The following CNTNAP2 variants were observed in gnomAD, a reference collection of about 807,000 sequenced individuals.
CNTNAP2 encodes the protein contactin-associated protein-like 2.
In CNTNAP2, 98 loss-of-function variants were observed where a neutral mutation model predicts 155.2. That is an observed-to-expected ratio of 0.63 (90% CI 0.54 to 0.75). CNTNAP2 has a LOEUF of 0.75. CNTNAP2 is among the 30% of genes least tolerant of loss of function. The probability of loss-of-function intolerance (pLI) is 0.00; values close to 1 mark genes in which losing one functional copy is unlikely to be tolerated. For synonymous variants in CNTNAP2, 651 were observed against 631.2 expected (o/e 1.03, Z -0.47); for missense variants, 1,727 against 1,688.1 (o/e 1.02, Z -0.40).
At chr7:146,204,801 A>G (rs572545672) in intron 1 of CNTNAP2, among the ~76,000 whole-genome samples, 1 of 152,172 alleles carries the variant, frequency 6.6e-6, no homozygotes, top group Non-Finnish European at 1.5e-5. Context: ...CCCACCCTTC[A>G]GCAAAATGTC....
At chr7:147,112,150 T>G (rs72611586) in intron 5 of CNTNAP2, among the ~76,000 whole-genome samples, 13,616 of 152,146 alleles carry the variant, frequency 0.089, 892 homozygotes, top group East Asian at 0.3. Flanking sequence ...TGAATGAGAG[T>G]TCATTCATAA....
intron 17 of CNTNAP2, 120 bp from the exon 18 acceptor site, chr7:148,172,122 T>C (rs1161178217): frequency 4.1e-6 from 4 of 987,322 alleles, no homozygotes; most frequent in Non-Finnish European, 6.4e-6. Context: ...ACCAACTTGA[T>C]AGTGACAATA....
chr7:147,403,222 T>G (rs1796948242), intron 10 of CNTNAP2, among the ~76,000 whole-genome samples: 1 of 152,186 alleles, frequency 6.6e-6, no homozygotes, highest in African/African-American at 2.4e-5. Flanking sequence ...AATATTTAAA[T>G]CTACCTATCA....
chr7:147,488,331 G>A (rs1584765825), intron 11 of CNTNAP2, among the ~76,000 whole-genome samples: 2 of 152,348 alleles, frequency 1.3e-5, no homozygotes, highest in South Asian at 4.1e-4. Context: ...ATCAGGCCGT[G>A]TGCCTTTGTG....
chr7:146,476,848 G>C (rs945759080), intron 1 of CNTNAP2, among the ~76,000 whole-genome samples: 5 of 152,152 alleles, frequency 3.3e-5, no homozygotes, highest in African/African-American at 9.7e-5. Flanking sequence ...ACAAAAAATA[G>C]GGAAATCATA....
intron 8 of CNTNAP2, among the ~76,000 whole-genome samples, chr7:147,191,872 G>A (rs1802686471): frequency 3.3e-5 from 5 of 152,100 alleles, no homozygotes; most frequent in Admixed American, 3.3e-4. Flanking sequence ...AAGAGCATGG[G>A]CAACTCTGTT....
intron 3 of CNTNAP2, among the ~76,000 whole-genome samples, chr7:146,886,699 C>A (rs370779013): frequency 2.6e-5 from 4 of 151,140 alleles, no homozygotes; most frequent in African/African-American, 9.7e-5. Context: ...TGCTTAAAAT[C>A]ATCAGGAAAT....
intron 1 of CNTNAP2, among the ~76,000 whole-genome samples, chr7:146,280,433 T>A (rs780046744): frequency 1.3e-5 from 2 of 152,122 alleles, no homozygotes; most frequent in South Asian, 2.1e-4. Context: ...AATTCCTATC[T>A]CACTCTTCTT....
chr7:147,360,186 A>G lies in CNTNAP2; in HGVS notation c.1499-35423A>G, dbSNP rs1424105951. On this transcript the variant is annotated intron_variant, in intron 9 of 23. Coordinates refer to ENST00000361727, the MANE Select transcript of CNTNAP2 (RefSeq NM_014141.6). ...ACCTAATTTGTTTATATATGTCCCT[A>G]TATTCAGTTACTGTTTTCATAAACT... 2.6e-5 allele frequency among the ~76,000 whole-genome samples: 4 copies of G among 152,142 alleles called. No homozygotes were observed. The South Asian group carries it at 6.2e-4, about 24-fold the overall frequency.
At chr7:147,032,704 A>G (rs80288505) in intron 3 of CNTNAP2, among the ~76,000 whole-genome samples, 2,231 of 135,750 alleles carry the variant, frequency 0.016, 32 homozygotes, top group Non-Finnish European at 0.027. Flanking sequence ...AAGGAAGGAA[A>G]GAAAGAGAGA....
intron 1 of CNTNAP2, among the ~76,000 whole-genome samples, chr7:146,487,876 T>G (rs1461665779): frequency 2.0e-5 from 3 of 152,030 alleles, no homozygotes; most frequent in Non-Finnish European, 4.4e-5. Flanking sequence ...CTGTTTAAAA[T>G]GGAGGTGTGG....
chr7:146,283,204 A>G (rs940976679), intron 1 of CNTNAP2, among the ~76,000 whole-genome samples: 1 of 152,198 alleles, frequency 6.6e-6, no homozygotes, highest in Non-Finnish European at 1.5e-5. Context: ...CAAATTTGGT[A>G]TTATTGTGAA....
intron 13 of CNTNAP2, among the ~76,000 whole-genome samples, chr7:147,650,965 T>C (rs1383694854): frequency 2.6e-5 from 4 of 152,288 alleles, no homozygotes; most frequent in African/African-American, 7.2e-5. Flanking sequence ...CATTTTGATA[T>C]GTGTATTTTG....
intron 1 of CNTNAP2, among the ~76,000 whole-genome samples, chr7:146,537,530 A>G (rs1219757283): frequency 6.6e-6 from 1 of 152,132 alleles, no homozygotes; most frequent in African/African-American, 2.4e-5. Flanking sequence ...TTAGTAAAAT[A>G]TGTCACGTCA....
intron 1 of CNTNAP2, among the ~76,000 whole-genome samples, chr7:146,446,758 AT>A (rs1796408138): frequency 6.6e-6 from 1 of 152,018 alleles, no homozygotes; most frequent in South Asian, 2.1e-4. Context: ...CTGGAGAGAA[AT>A]CTACTTGAAA....
intron 9 of CNTNAP2, among the ~76,000 whole-genome samples, chr7:147,380,323 T>C (rs932702105): frequency 9.2e-5 from 14 of 152,116 alleles, no homozygotes; most frequent in African/African-American, 3.4e-4. Flanking sequence ...GGTGCTCTTG[T>C]AGCATTCTGC....
chr7:147,180,317 A>T (rs1014711710), intron 8 of CNTNAP2, among the ~76,000 whole-genome samples: 1 of 152,194 alleles, frequency 6.6e-6, no homozygotes, highest in African/African-American at 2.4e-5. Flanking sequence ...AAAAAAGCAC[A>T]TGACAGTATG....
At chr7:146,441,541 C>A (rs1796321109) in intron 1 of CNTNAP2, among the ~76,000 whole-genome samples, 1 of 151,432 alleles carries the variant, frequency 6.6e-6, no homozygotes, top group Non-Finnish European at 1.5e-5. Flanking sequence ...TGGTTTCCAT[C>A]CATGGATGTC....
At chr7:146,414,996 T>C (rs1795917328) in intron 1 of CNTNAP2, among the ~76,000 whole-genome samples, 2 of 151,610 alleles carry the variant, frequency 1.3e-5, no homozygotes, top group Admixed American at 1.3e-4. Context: ...TGACTAATAC[T>C]TGTAAAAAGT....
Sources: gnomAD v4.1 joint callset for allele counts (sites outside exome capture counted in the v4.1 genomes callset) on GRCh38, gnomAD v4.1.1 for gene constraint, MANE v1.5 for transcripts, NCBI Gene and HGNC (gene_info 2026-07-23, HGNC 2026-07-21) for gene names.